Variants in MEGF9 observed in about 807,000 individuals in gnomAD.
MEGF9 encodes the protein multiple EGF like domains 9.
MEGF9 carries 6 observed loss-of-function variants against 46.8 expected under a neutral mutation model. The ratio of observed to expected loss-of-function variants is 0.13; its 90% confidence interval spans 0.07 to 0.25. The LOEUF is 0.25. MEGF9 is among the 10% of genes least tolerant of loss of function. The probability of loss-of-function intolerance (pLI) is 1.00; values close to 1 mark genes in which losing one functional copy is unlikely to be tolerated. For missense variants in MEGF9, 683 were observed against 792.4 expected, an observed-to-expected ratio of 0.86 and a Z score of 1.66; for synonymous variants, 302 against 330.7, an observed-to-expected ratio of 0.91 and a Z score of 0.94.
At chr9:120,638,690 C>T (rs990295916) in intron 2 of MEGF9, among the ~76,000 whole-genome samples, 2 of 152,238 alleles carry the variant, frequency 1.3e-5, no homozygotes, top group African/African-American at 4.8e-5. Flanking sequence ...TTTTGCCAAT[C>T]TGGCACCTTG....
rs1264359065 is a variant in MEGF9, at chr9:120,636,598, C to T, written c.804-13843G>A. ...AATCAAATGTGACACATTTCCAGAG[C>T]CACAACTTGCAACAGTTAACTTAAT... On this transcript the variant is annotated intron_variant, in intron 2 of 5. Transcript: ENST00000373930. Among the ~76,000 whole-genome samples the T allele has an allele frequency of 2.0e-5, 3 of 152,296 alleles. No homozygotes were observed. The East Asian group carries it at 5.8e-4, about 29-fold the overall frequency.
rs534962699 is a variant in MEGF9, at chr9:120,605,007, T to A, written c.*183A>T. 448 of 622,518 alleles carry A rather than the reference T, an allele frequency of 7.2e-4. 3 individuals are homozygous for A. Among genetic ancestry groups the A allele is most frequent in the South Asian group, 5.3e-3 (259 of 48,744 alleles). The allele number at this position is 622,518 out of a possible 1,614,324, so 38.6% of individuals were successfully genotyped here. A position where few individuals can be genotyped will look rare whatever the true frequency, so the allele number is the denominator to read the frequency against. ...TCCTAATGACAGTGAACGCTTCAGA[T>A]CTTCATGGGAAAACTAAGAGCAATA... On this transcript the variant is annotated 3_prime_UTR_variant, in exon 6 of 6. Transcript: ENST00000373930. The surrounding 1 kb of genome is among the most constrained non-coding windows in gnomAD (Gnocchi z 4.0).
rs1233353089 is a variant in MEGF9 at position 120,714,367 on chromosome 9, C to T, written c.-9G>A. On this transcript the variant is annotated 5_prime_UTR_variant, in exon 1 of 6. Coordinates refer to ENST00000373930, the MANE Select transcript of MEGF9 (RefSeq NM_001080497.3). ...TCGGCTCCGCCATTCATTCATTCAG[C>T]CAGTCGGTTGGTCAGTCATCTTCTC... The T allele has an allele frequency of 1.5e-6, 2 of 1,316,092 alleles. No homozygotes were observed. The highest frequency in any genetic ancestry group is 3.2e-5 in the East Asian group (1 of 30,772). The allele number at this position is 1,316,092 out of a possible 1,614,324, so 81.5% of individuals were successfully genotyped here.
intron 1 of MEGF9, among the ~76,000 whole-genome samples, chr9:120,688,664 G>T (rs2043835056): frequency 6.6e-6 from 1 of 152,170 alleles, no homozygotes; most frequent in Non-Finnish European, 1.5e-5. Flanking sequence ...AGGGAGACAG[G>T]GGAGATGGAG....
intron 1 of MEGF9, among the ~76,000 whole-genome samples, chr9:120,686,540 G>A (rs2043823544): frequency 6.6e-6 from 1 of 152,222 alleles, no homozygotes; most frequent in South Asian, 2.1e-4. Context: ...TTGAAAAGGA[G>A]AGAGGGAGCT....
intron 1 of MEGF9, among the ~76,000 whole-genome samples, chr9:120,686,972 T>C (rs1415575523): frequency 6.6e-6 from 1 of 151,960 alleles, no homozygotes; most frequent in Non-Finnish European, 1.5e-5. Context: ...TGTATGTGTA[T>C]ATATATATAT....
chr9:120,706,919 G>T (rs2043931764), intron 1 of MEGF9, among the ~76,000 whole-genome samples: 1 of 152,162 alleles, frequency 6.6e-6, no homozygotes, highest in South Asian at 2.1e-4. Flanking sequence ...AAACGCCAAG[G>T]AAGAGTAGAA....
intron 2 of MEGF9, among the ~76,000 whole-genome samples, chr9:120,651,754 G>A (rs2132318492): frequency 6.6e-6 from 1 of 151,212 alleles, no homozygotes; most frequent in Non-Finnish European, 1.5e-5. Flanking sequence ...CCCGGTTCAA[G>A]CGATTCTCCT....
chr9:120,696,119 C>A (rs1394542110), intron 1 of MEGF9, among the ~76,000 whole-genome samples: 1 of 152,164 alleles, frequency 6.6e-6, no homozygotes. Context: ...TCAATGGACA[C>A]AACTGACTAT....
intron 2 of MEGF9, among the ~76,000 whole-genome samples, chr9:120,641,426 G>A (rs2043602474): frequency 6.6e-6 from 1 of 152,100 alleles, no homozygotes; most frequent in Non-Finnish European, 1.5e-5. Flanking sequence ...GGCCTCTTTA[G>A]CTTATACAAT....
At chr9:120,615,602 G>C (rs1438792862) in intron 3 of MEGF9, among the ~76,000 whole-genome samples, 4 of 151,854 alleles carry the variant, frequency 2.6e-5, no homozygotes, top group Non-Finnish European at 5.9e-5. Flanking sequence ...GCAAGTATAA[G>C]TATAAAATTT....
chr9:120,702,719 G>C (rs529841029), intron 1 of MEGF9, among the ~76,000 whole-genome samples: 4 of 152,318 alleles, frequency 2.6e-5, no homozygotes, highest in African/African-American at 9.6e-5. Flanking sequence ...AAGAGCTGAT[G>C]TAAGTGGGGG....
chr9:120,627,421 C>G (rs79665190), intron 2 of MEGF9, among the ~76,000 whole-genome samples: 2,392 of 152,292 alleles, frequency 0.016, 57 homozygotes, highest in African/African-American at 0.054. Context: ...AATTTTAACT[C>G]AAGCAGTTAC....
At chr9:120,687,490 C>T (rs2043827759) in intron 1 of MEGF9, among the ~76,000 whole-genome samples, 1 of 151,916 alleles carries the variant, frequency 6.6e-6, no homozygotes, top group Admixed American at 6.6e-5. Context: ...AGAATCAGCT[C>T]AAATGATTAT....
chr9:120,628,481 T>TG (rs1369018139), intron 2 of MEGF9, among the ~76,000 whole-genome samples: 2 of 143,628 alleles, frequency 1.4e-5, no homozygotes, highest in Non-Finnish European at 3.0e-5. Flanking sequence ...TTTTTTTTTT[T>TG]TTTTTTTTTT....
At position 120,713,778 on chromosome 9, in the gene MEGF9, G is replaced by A; in HGVS notation, c.581C>T (p.Ala194Val). Residue 194 changes from alanine to valine, a missense_variant, in exon 1 of 6, where the codon GCC becomes GTC. Physicochemically the swap from Ala to Val is moderately conservative, Grantham distance 64 (BLOSUM62 0). This residue lies in a region of MEGF9 where 370 missense variants were observed against 371.3 expected (regional missense o/e 1.00). Transcript: ENST00000373930. ...CTCACCTGGAGGAGGCGAAGAGGGG[G>A]CCTCGGTGGCAGGTGGGGTGGGGAG... ...SVLPTPPATEAPSSPPPEYVC... is the reference protein window; with the variant it reads ...SVLPTPPATEVPSSPPPEYVC... 1 of 1,293,970 alleles carries A rather than the reference G, an allele frequency of 7.7e-7. No individual in the cohort carries two copies. Among genetic ancestry groups the A allele is most frequent in the East Asian group, 2.8e-5 (1 of 35,488 alleles). The allele number at this position is 1,293,970 out of a possible 1,614,324, so 80.2% of individuals were successfully genotyped here. A position where few individuals can be genotyped will look rare whatever the true frequency, so the allele number is the denominator to read the frequency against.
chr9:120,618,763 G>C (rs1564413251), intron 3 of MEGF9, among the ~76,000 whole-genome samples: 1 of 151,892 alleles, frequency 6.6e-6, no homozygotes, highest in African/African-American at 2.4e-5. Flanking sequence ...CTGGGCGTGT[G>C]ATGGTGGGCG....
intron 1 of MEGF9, among the ~76,000 whole-genome samples, chr9:120,690,415 G>C (rs1374627988): frequency 6.6e-6 from 1 of 152,048 alleles, no homozygotes. Context: ...AGTCAAAGAT[G>C]GCAACATTCA....
At chr9:120,619,175 G>A (rs976554057) in intron 3 of MEGF9, among the ~76,000 whole-genome samples, 4 of 151,548 alleles carry the variant, frequency 2.6e-5, no homozygotes, top group East Asian at 2.0e-4. Context: ...GCAAAACCCC[G>A]TCTCTACTAA....
Sources: gnomAD v4.1 joint callset for allele counts (sites outside exome capture counted in the v4.1 genomes callset) on GRCh38, gnomAD v4.1.1 for gene constraint, gnomAD v4.1.1 regional missense constraint, Gnocchi (gnomAD v3.1) non-coding constraint, MANE v1.5 for transcripts, NCBI Gene and HGNC (gene_info 2026-07-23, HGNC 2026-07-21) for gene names.